The following THSD7B variants were observed in gnomAD, a reference collection of about 807,000 sequenced individuals.
THSD7B encodes thrombospondin type-1 domain-containing protein 7B.
Under a neutral mutation model 213.6 loss-of-function variants are expected in THSD7B, and 138 were observed. The observed-to-expected ratio is 0.65, with a 90% CI of 0.56 to 0.74. THSD7B has a LOEUF of 0.74. THSD7B is among the 30% of genes least tolerant of loss of function. THSD7B has a pLI of 0.00. For synonymous variants in THSD7B, 742 were observed against 687.0 expected (o/e 1.08, Z -1.25); for missense variants, 1,931 against 1,991.5 (o/e 0.97, Z 0.58).
chr2:137,659,254 G>T (rs563079328), intron 24 of THSD7B, among the ~76,000 whole-genome samples: 2 of 152,158 alleles, frequency 1.3e-5, no homozygotes, highest in South Asian at 4.2e-4. Flanking sequence ...TGTTGAAATC[G>T]GCCTAGTGCC....
intron 10 of THSD7B, among the ~76,000 whole-genome samples, chr2:137,253,958 T>C (rs968431580): frequency 1.3e-5 from 2 of 152,256 alleles, no homozygotes; most frequent in East Asian, 1.9e-4. Flanking sequence ...GAGTTAAACA[T>C]TGGGATCTTA....
At chr2:136,776,859 T>C (rs1029816697) in intron 1 of THSD7B, among the ~76,000 whole-genome samples, 2 of 151,960 alleles carry the variant, frequency 1.3e-5, no homozygotes, top group Non-Finnish European at 2.9e-5. Flanking sequence ...CACACACGTA[T>C]GCACACACAC....
chr2:137,589,016 G>C (rs889088568), intron 17 of THSD7B, among the ~76,000 whole-genome samples: 17 of 152,186 alleles, frequency 1.1e-4, no homozygotes, highest in African/African-American at 4.1e-4. Context: ...CTGACCTCAG[G>C]TGATCTGCCC....
intron 15 of THSD7B, among the ~76,000 whole-genome samples, chr2:137,562,594 T>TTGTGTGTGTGTGTGTG (rs72488766): frequency 3.4e-5 from 5 of 145,080 alleles, no homozygotes; most frequent in Admixed American, 1.4e-4. Flanking sequence ...GTATTTCTCT[T>TTGTGTGTGTGTGTGTG]TGTGTGTGTG....
intron 2 of THSD7B, among the ~76,000 whole-genome samples, chr2:136,959,387 T>C (rs1685181438): frequency 6.6e-6 from 1 of 152,226 alleles, no homozygotes; most frequent in Admixed American, 6.5e-5. Flanking sequence ...AGTCAGTTAC[T>C]GAAACTGCAC....
At chr2:137,106,595 A>G (rs1002739435) in intron 4 of THSD7B, among the ~76,000 whole-genome samples, 2 of 152,248 alleles carry the variant, frequency 1.3e-5, no homozygotes, top group African/African-American at 2.4e-5. Flanking sequence ...AACTATCATT[A>G]GAGTGAACAG....
chr2:137,451,132 C>T, intron 15 of THSD7B, 109 bp downstream of exon 15: 1 of 1,188,836 alleles, frequency 8.4e-7, no homozygotes, highest in Non-Finnish European at 1.1e-6. Context: ...TAAAAGTTAT[C>T]ACAATGTCAG....
At chr2:137,312,163 G>A (rs1308778201) in intron 12 of THSD7B, among the ~76,000 whole-genome samples, 2 of 152,044 alleles carry the variant, frequency 1.3e-5, no homozygotes, top group Non-Finnish European at 2.9e-5. Context: ...GTAAGCTATT[G>A]ATTATTGCCA....
At chr2:137,505,949 C>T (rs1429090539) in intron 15 of THSD7B, among the ~76,000 whole-genome samples, 2 of 152,066 alleles carry the variant, frequency 1.3e-5, no homozygotes, top group African/African-American at 4.8e-5. Flanking sequence ...TTATCTGGTA[C>T]CTGGCTTAGG....
intron 12 of THSD7B, among the ~76,000 whole-genome samples, chr2:137,404,196 G>C (rs1686441925): frequency 6.6e-6 from 1 of 151,656 alleles, no homozygotes; most frequent in African/African-American, 2.4e-5. Context: ...TTGAAAAAGT[G>C]TGTGAGAGAA....
At chr2:137,053,715 C>G (rs1482693041) in intron 2 of THSD7B, among the ~76,000 whole-genome samples, 1 of 151,994 alleles carries the variant, frequency 6.6e-6, no homozygotes, top group Non-Finnish European at 1.5e-5. Flanking sequence ...TCTGATCTTA[C>G]TTTCATTAAT....
At chr2:137,565,464 A>T (rs965586885) in intron 16 of THSD7B, among the ~76,000 whole-genome samples, 1 of 152,028 alleles carries the variant, frequency 6.6e-6, no homozygotes, top group Non-Finnish European at 1.5e-5. Context: ...ACAACAGTCA[A>T]CTCCCACGAC....
intron 21 of THSD7B, among the ~76,000 whole-genome samples, chr2:137,645,218 G>T (rs897993615): frequency 6.6e-6 from 1 of 152,176 alleles, no homozygotes; most frequent in Non-Finnish European, 1.5e-5. Flanking sequence ...ATAGACATAA[G>T]TTAAGAGCTC....
chr2:137,218,971 A>G (rs1360914096), intron 7 of THSD7B, among the ~76,000 whole-genome samples: 1 of 118,642 alleles, frequency 8.4e-6, no homozygotes, highest in African/African-American at 3.5e-5. Context: ...TTTTTTTTCA[A>G]CTGAGTTTGT....
At chr2:136,828,799 A>G (rs1682701561) in intron 1 of THSD7B, among the ~76,000 whole-genome samples, 1 of 152,234 alleles carries the variant, frequency 6.6e-6, no homozygotes, top group Non-Finnish European at 1.5e-5. Context: ...ACTTCTTCAT[A>G]GAAGCTCCCT....
At position 136,942,087 on chromosome 2, in the gene THSD7B, C is replaced by T. The variant is rs182644581; in HGVS notation, c.139+59770C>T. On this transcript the variant is annotated intron_variant, in intron 2 of 27. Coordinates refer to ENST00000409968, the MANE Select transcript of THSD7B (RefSeq NM_001316349.2). The stretch of plus-strand genomic sequence containing the variant: ...TATAGCTAGCCAGTTTTCCTAGCAC[C>T]ATTTATTAAATAGAGAATCCTTTCC... Among the ~76,000 whole-genome samples, 285 of 152,286 alleles carry T rather than the reference C, an allele frequency of 1.9e-3. 1 individual carries two copies. Among genetic ancestry groups the T allele is most frequent in the Middle Eastern group, 6.8e-3 (2 of 294 alleles).
At chr2:137,411,567 G>A in intron 13 of THSD7B, 42 bp from the exon 14 acceptor site, 1 of 1,545,578 alleles carries the variant, frequency 6.5e-7, no homozygotes, top group African/African-American at 1.4e-5. Context: ...TAACAAAACA[G>A]CAGATAAGCA....
At chr2:137,073,128 T>A (rs1413818525) in intron 3 of THSD7B, among the ~76,000 whole-genome samples, 1 of 152,148 alleles carries the variant, frequency 6.6e-6, no homozygotes, top group Non-Finnish European at 1.5e-5. Context: ...TAAAATGAGT[T>A]AGGGAGGATT....
intron 3 of THSD7B, among the ~76,000 whole-genome samples, chr2:137,079,160 T>G (rs1376620786): frequency 6.6e-6 from 1 of 151,830 alleles, no homozygotes; most frequent in Non-Finnish European, 1.5e-5. Flanking sequence ...CTCAAAAAAA[T>G]AAATCTGTAA....
Sources: allele counts gnomAD v4.1 joint callset (sites outside exome capture counted in the v4.1 genomes callset), GRCh38; gene constraint gnomAD v4.1.1; transcripts MANE v1.5; gene names NCBI Gene and HGNC (gene_info 2026-07-23, HGNC 2026-07-21).